The following CDH13 variants were observed in gnomAD, a reference collection of about 807,000 sequenced individuals.
CDH13 encodes the protein cadherin 13, also known as cadherin-13.
CDH13 carries 24 observed loss-of-function variants against 63.8 expected under a neutral mutation model. The observed-to-expected ratio is 0.38, with a 90% CI of 0.27 to 0.53. The LOEUF (loss-of-function observed/expected upper bound fraction) is 0.53. Ranked by LOEUF, CDH13 falls within the 20% of genes least tolerant of loss-of-function variation. The pLI, the probability that CDH13 is intolerant of heterozygous loss-of-function variation, is 0.85. For missense variants in CDH13, 1,049 were observed against 903.1 expected (o/e 1.16, Z -2.07); for synonymous variants, 503 against 355.3 (o/e 1.42, Z -4.67).
chr16:82,996,592 C>G (rs1039230026), intron 2 of CDH13, among the ~76,000 whole-genome samples: 5 of 152,148 alleles, frequency 3.3e-5, no homozygotes, highest in African/African-American at 9.7e-5. Context: ...CAAAAACGAC[C>G]TTGTTTAAGT....
intron 7 of CDH13, among the ~76,000 whole-genome samples, chr16:83,586,402 T>A (rs988562913): frequency 2.0e-5 from 3 of 152,206 alleles, no homozygotes; most frequent in Admixed American, 6.5e-5. Flanking sequence ...TTGTTATTTT[T>A]AAAAATAAAA....
At chr16:83,495,915 T>A (rs1373924577) in intron 7 of CDH13, among the ~76,000 whole-genome samples, 1 of 151,884 alleles carries the variant, frequency 6.6e-6, no homozygotes, top group East Asian at 1.9e-4. Flanking sequence ...CACAATTGCT[T>A]CAAAGAGAAT....
At chr16:83,325,620 A>T (rs1375287069) in intron 5 of CDH13, among the ~76,000 whole-genome samples, 1 of 152,156 alleles carries the variant, frequency 6.6e-6, no homozygotes, top group Non-Finnish European at 1.5e-5. Flanking sequence ...AGCAGCCTCG[A>T]TGTGGCCTGT....
At chr16:83,021,275 G>A (rs1044889892) in intron 2 of CDH13, among the ~76,000 whole-genome samples, 4 of 152,158 alleles carry the variant, frequency 2.6e-5, no homozygotes, top group Non-Finnish European at 4.4e-5. Flanking sequence ...CAACAAACAG[G>A]GTTGAGTATG....
At position 83,602,696 on chromosome 16, in the gene CDH13, A is replaced by G. The variant is rs140831767; in HGVS notation, c.1101+102A>G. 9.0e-4 allele frequency: 1,043 copies of G among 1,155,696 alleles called. 14 individuals are homozygous for G. In the African/African-American group the frequency reaches 0.014, roughly 15 times the overall value. 71.6% of individuals were successfully genotyped at this position (1,155,696 alleles called of 1,614,324 possible). A position where few individuals can be genotyped will look rare whatever the true frequency, so the allele number is the denominator to read the frequency against. ...CAGCACCTGCTGGCCCCCCTTTCAA[A>G]ATCAAAATACTCCTTTGTGGGAGAG... On this transcript the variant is annotated intron_variant, in intron 8 of 13. Coordinates refer to ENST00000567109, the MANE Select transcript of CDH13 (RefSeq NM_001257.5).
chr16:82,861,133 A>G (rs1307126887), intron 2 of CDH13, among the ~76,000 whole-genome samples: 1 of 152,250 alleles, frequency 6.6e-6, no homozygotes, highest in East Asian at 1.9e-4. Flanking sequence ...CATTTCCTGA[A>G]TCATTGTATA....
chr16:82,975,952 T>G (rs747652394), intron 2 of CDH13, among the ~76,000 whole-genome samples: 1 of 151,706 alleles, frequency 6.6e-6, no homozygotes, highest in Non-Finnish European at 1.5e-5. Flanking sequence ...TTTCCAGGAC[T>G]AAATAATGCA....
chr16:83,215,806 C>G (rs1322975108), intron 4 of CDH13, among the ~76,000 whole-genome samples: 2 of 152,106 alleles, frequency 1.3e-5, no homozygotes, highest in African/African-American at 2.4e-5. Flanking sequence ...TTTCTTTTAT[C>G]TGTGTGTCCT....
chr16:83,652,529 G>C (rs1193822086), intron 8 of CDH13, among the ~76,000 whole-genome samples: 1 of 152,114 alleles, frequency 6.6e-6, no homozygotes, highest in African/African-American at 2.4e-5. Context: ...GAGGGTCCTC[G>C]TGGTTTAGCC....
At chr16:82,680,043 A>G (rs1026414256) in intron 1 of CDH13, among the ~76,000 whole-genome samples, 6 of 152,034 alleles carry the variant, frequency 3.9e-5, no homozygotes, top group African/African-American at 1.4e-4. Flanking sequence ...ATCTATGGGG[A>G]ATTTGCTTGT....
intron 8 of CDH13, among the ~76,000 whole-genome samples, chr16:83,613,211 C>G (rs1452024479): frequency 6.6e-6 from 1 of 152,150 alleles, no homozygotes. Flanking sequence ...TCTCTGGCTG[C>G]TTTCAAAAAC....
At chr16:83,127,577 A>G (rs1211398859) in intron 4 of CDH13, among the ~76,000 whole-genome samples, 3 of 152,052 alleles carry the variant, frequency 2.0e-5, no homozygotes, top group Non-Finnish European at 2.9e-5. Context: ...TAAAAATACA[A>G]AAATTAGCCA....
At chr16:83,579,834 G>C (rs1905389550) in intron 7 of CDH13, among the ~76,000 whole-genome samples, 1 of 151,798 alleles carries the variant, frequency 6.6e-6, no homozygotes, top group South Asian at 2.1e-4. Context: ...ACAGTGTGGG[G>C]GCAGAAAACT....
At chr16:83,126,522 T>C (rs547336068) in intron 4 of CDH13, among the ~76,000 whole-genome samples, 5 of 152,030 alleles carry the variant, frequency 3.3e-5, no homozygotes, top group Admixed American at 2.6e-4. Flanking sequence ...ACAGAATGGG[T>C]AGCCAGGATT....
At chr16:83,121,106 G>A (rs1286656914) in intron 3 of CDH13, among the ~76,000 whole-genome samples, 1 of 151,972 alleles carries the variant, frequency 6.6e-6, no homozygotes, top group African/African-American at 2.4e-5. Flanking sequence ...TGGGTGGTTG[G>A]CTTTTTTGTT....
intron 7 of CDH13, among the ~76,000 whole-genome samples, chr16:83,554,865 C>G (rs1364619006): frequency 6.6e-6 from 1 of 151,534 alleles, no homozygotes; most frequent in East Asian, 1.9e-4. Flanking sequence ...CCTGCACACA[C>G]ATACAAAGTT....
chr16:82,942,973 A>T (rs1211132337), intron 2 of CDH13, among the ~76,000 whole-genome samples: 1 of 152,186 alleles, frequency 6.6e-6, no homozygotes, highest in Non-Finnish European at 1.5e-5. Context: ...CTCCTTGGAA[A>T]AGCTGAATTT....
chr16:83,415,992 A>G (rs1024411860), intron 6 of CDH13, among the ~76,000 whole-genome samples: 1 of 152,222 alleles, frequency 6.6e-6, no homozygotes, highest in East Asian at 1.9e-4. Flanking sequence ...TCTCACATAT[A>G]GAAAATAACT....
chr16:83,458,917 T>A (rs1401980115), intron 6 of CDH13, among the ~76,000 whole-genome samples: 1 of 152,220 alleles, frequency 6.6e-6, no homozygotes, highest in African/African-American at 2.4e-5. Flanking sequence ...CTAGATATTG[T>A]CAAGAGAAGG....
Sources: allele counts gnomAD v4.1 joint callset (sites outside exome capture counted in the v4.1 genomes callset), GRCh38; gene constraint gnomAD v4.1.1; transcripts MANE v1.5; gene names NCBI Gene and HGNC (gene_info 2026-07-23, HGNC 2026-07-21).